AFF3: variants seen among roughly 807,000 people sequenced by gnomAD.
The protein encoded by AFF3 is ALF transcription elongation factor 3.
Under a neutral mutation model 129.7 loss-of-function variants are expected in AFF3, and 32 were observed. The ratio of observed to expected loss-of-function variants is 0.25; its 90% CI spans 0.19 to 0.33. The LOEUF (loss-of-function observed/expected upper bound fraction) is 0.33, where lower values mean the gene tolerates loss of function less well. Among genes scored for constraint, AFF3 ranks in the 10% least tolerant of loss-of-function variants. The pLI is 1.00. For missense variants in AFF3, 1,373 were observed against 1,592.0 expected, an observed-to-expected ratio of 0.86 and a Z score of 2.34; for synonymous variants, 644 against 635.4, an observed-to-expected ratio of 1.01 and a Z score of -0.20.
chr2:99,673,505 T>C (rs190080235), intron 11 of AFF3, among the ~76,000 whole-genome samples: 134 of 152,336 alleles, frequency 8.8e-4, no homozygotes, highest in Non-Finnish European at 1.6e-3. Context: ...TTATAGTAGT[T>C]TTCAGATTAA....
chr2:99,701,973 C>G (rs904757719), intron 11 of AFF3, among the ~76,000 whole-genome samples: 6 of 152,214 alleles, frequency 3.9e-5, no homozygotes, highest in African/African-American at 1.4e-4. Context: ...TGAGATCCAT[C>G]CAAGTTGTAT....
rs977234103 is a variant in AFF3, at chr2:99,560,903, A to G, written c.3120-467T>C. Among the ~76,000 whole-genome samples the G allele has an allele frequency of 2.0e-5, 3 of 152,348 alleles. No individual in the cohort carries two copies. In the South Asian group the frequency reaches 6.2e-4, roughly 32 times the overall value. On this transcript the variant is annotated intron_variant, in intron 20 of 24. Coordinates refer to ENST00000672756, the MANE Select transcript of AFF3 (RefSeq NM_001386135.1). Reference sequence around the variant, plus strand: ...ATGTAACTTTTACTTTGACAGCTACATAAGTGTCCTGAGTACATTTTTAAT... The same window carrying G: ...ATGTAACTTTTACTTTGACAGCTACGTAAGTGTCCTGAGTACATTTTTAAT...
chr2:100,099,750 G>C (rs1413073897), intron 4 of AFF3, among the ~76,000 whole-genome samples: 1 of 152,080 alleles, frequency 6.6e-6, no homozygotes, highest in Non-Finnish European at 1.5e-5. Flanking sequence ...TGTACAGCAG[G>C]GTTTCCTAAA....
chr2:99,882,247 G>A (rs563900676), intron 7 of AFF3, among the ~76,000 whole-genome samples: 1 of 152,284 alleles, frequency 6.6e-6, no homozygotes, highest in Admixed American at 6.5e-5. Context: ...AGGTTTGCCT[G>A]ATGTCCAGGG....
At chr2:100,016,539 G>A (rs1248783428) in intron 4 of AFF3, among the ~76,000 whole-genome samples, 1 of 151,042 alleles carries the variant, frequency 6.6e-6, no homozygotes, top group Non-Finnish European at 1.5e-5. Flanking sequence ...GGTGGTGATG[G>A]TGGTAGCGAT....
chr2:99,643,245 A>C (rs1684380408), intron 13 of AFF3, among the ~76,000 whole-genome samples: 1 of 151,960 alleles, frequency 6.6e-6, no homozygotes, highest in South Asian at 2.1e-4. Flanking sequence ...TTTTTAGTAA[A>C]GATGGGATTT....
At chr2:99,728,062 T>C (rs1318303971) in intron 10 of AFF3, among the ~76,000 whole-genome samples, 1 of 152,202 alleles carries the variant, frequency 6.6e-6, no homozygotes. Context: ...CACTGAGGAA[T>C]TAACGAGTTG....
chr2:99,894,508 G>A (rs1391415655), intron 7 of AFF3, among the ~76,000 whole-genome samples: 2 of 149,872 alleles, frequency 1.3e-5, no homozygotes, highest in Non-Finnish European at 3.0e-5. Flanking sequence ...TCGCTCTGTC[G>A]CCCAGGCTGG....
chr2:99,625,261 T>C (rs983508305), intron 13 of AFF3, among the ~76,000 whole-genome samples: 2 of 152,106 alleles, frequency 1.3e-5, no homozygotes, highest in South Asian at 2.1e-4. Flanking sequence ...TTGCGTAGGG[T>C]TGCCAGGCAA....
chr2:99,693,032 C>G (rs1030030301), intron 11 of AFF3, among the ~76,000 whole-genome samples: 1 of 152,260 alleles, frequency 6.6e-6, no homozygotes, highest in Non-Finnish European at 1.5e-5. Context: ...CCAATCCATA[C>G]TCCCATATGC....
rs868486028 is a variant in AFF3, at chr2:99,568,911, G to A, written c.2923C>T (p.Arg975Cys). Residue 975 changes from arginine (R) to cysteine (C), a missense_variant, in exon 19 of 25, where the codon CGC (arginine) becomes TGC (cysteine). Around this residue, in one of 9 missense-constraint regions of AFF3, gnomAD observed 65 missense variants for 102.1 expected, o/e 0.64. Transcript: ENST00000672756. ...RQKLVFDDMP[R>C]SADYFMQEAK... ...TCTTGCATAAAATAATCGGCACTGC[G>A]AGGCCTACAAGGAGAGAATGATATT... 4 of 1,613,994 alleles carry A rather than the reference G, an allele frequency of 2.5e-6. No individual in the cohort carries two copies. The highest frequency in any genetic ancestry group is 1.3e-5 in the African/African-American group (1 of 75,060).
At chr2:100,038,133 C>G (rs1452838073) in intron 4 of AFF3, among the ~76,000 whole-genome samples, 2 of 151,952 alleles carry the variant, frequency 1.3e-5, no homozygotes, top group African/African-American at 2.4e-5. Flanking sequence ...GACACTGCAG[C>G]CATCAGTCCC....
intron 4 of AFF3, among the ~76,000 whole-genome samples, chr2:100,095,918 G>A (rs554128828): frequency 3.3e-5 from 5 of 152,290 alleles, no homozygotes; most frequent in East Asian, 1.9e-4. Flanking sequence ...TTGGCCGAGC[G>A]GGGATGCAAG....
chr2:99,702,293 T>C (rs945851801), intron 11 of AFF3, among the ~76,000 whole-genome samples: 3 of 152,254 alleles, frequency 2.0e-5, no homozygotes, highest in Non-Finnish European at 2.9e-5. Context: ...ATTTTAGACA[T>C]TCTGGTAGGT....
intron 8 of AFF3, among the ~76,000 whole-genome samples, chr2:99,792,818 CTTA>C (rs1255859564): frequency 6.6e-6 from 1 of 152,110 alleles, no homozygotes; most frequent in Non-Finnish European, 1.5e-5. Context: ...GAATACTTTA[CTTA>C]TTATATATTT....
intron 4 of AFF3, among the ~76,000 whole-genome samples, chr2:100,077,616 A>G (rs1688683531): frequency 6.6e-6 from 1 of 152,212 alleles, no homozygotes; most frequent in South Asian, 2.1e-4. Context: ...GCAATGGGAA[A>G]CTACAGTATC....
chr2:100,107,866 G>T (rs1233116139), intron 2 of AFF3, among the ~76,000 whole-genome samples: 3 of 152,182 alleles, frequency 2.0e-5, no homozygotes, highest in Admixed American at 6.5e-5. Context: ...GAGAAGCCTT[G>T]CATGGCTTTA....
intron 7 of AFF3, among the ~76,000 whole-genome samples, chr2:99,924,825 A>G (rs564634204): frequency 6.6e-6 from 1 of 152,204 alleles, no homozygotes; most frequent in Admixed American, 6.5e-5. Flanking sequence ...CCAAAATGCT[A>G]CTTAATCAAC....
chr2:100,098,465 T>G (rs1690448779), intron 4 of AFF3, among the ~76,000 whole-genome samples: 2 of 146,742 alleles, frequency 1.4e-5, no homozygotes, highest in East Asian at 4.0e-4. Context: ...TATTGAGAGG[T>G]TTTTTTTTCT....
Sources: gnomAD v4.1 joint callset for allele counts (sites outside exome capture counted in the v4.1 genomes callset) on GRCh38, gnomAD v4.1.1 for gene constraint, gnomAD v4.1.1 regional missense constraint, MANE v1.5 for transcripts, NCBI Gene and HGNC (gene_info 2026-07-23, HGNC 2026-07-21) for gene names.